The following CDH12 variants were observed in gnomAD, a reference collection of about 807,000 sequenced individuals.
CDH12 encodes cadherin-12.
CDH12 carries 41 observed loss-of-function variants against 74.1 expected under a neutral mutation model. The ratio of observed to expected loss-of-function variants is 0.55; its 90% CI spans 0.43 to 0.72. The LOEUF (loss-of-function observed/expected upper bound fraction) is 0.72, where lower values mean the gene tolerates loss of function less well. Ranked by LOEUF, CDH12 falls within the 30% of genes least tolerant of loss-of-function variation. CDH12 has a pLI of 0.00. For synonymous variants in CDH12, 399 were observed against 355.0 expected, an observed-to-expected ratio of 1.12 and a Z score of -1.39; for missense variants, 945 against 977.2, an observed-to-expected ratio of 0.97 and a Z score of 0.44.
rs1323660925 is a variant in CDH12 at position 22,786,330 on chromosome 5, G to A, written c.-523+66728C>T. Among the ~76,000 whole-genome samples the A allele has an allele frequency of 2.0e-5, 3 of 152,228 alleles. No individual in the cohort carries two copies. In the East Asian group the frequency reaches 5.8e-4, roughly 29 times the overall value. On this transcript the variant is annotated intron_variant, in intron 1 of 14. Coordinates refer to ENST00000382254, the MANE Select transcript of CDH12 (RefSeq NM_004061.5). ...GGCCATTTTTGCAGTTGTGAATGTA[G>A]ACATACTGTGTGGGGAAGAAGCTAA... is the stretch of plus-strand genomic sequence containing the variant.
intron 5 of CDH12, among the ~76,000 whole-genome samples, chr5:22,022,343 C>T (rs1738044440): frequency 6.6e-6 from 1 of 152,042 alleles, no homozygotes; most frequent in Non-Finnish European, 1.5e-5. Flanking sequence ...GTAGTACTTC[C>T]TCCTTCACAC....
intron 3 of CDH12, among the ~76,000 whole-genome samples, chr5:22,391,168 G>C (rs1742233103): frequency 6.6e-6 from 1 of 152,174 alleles, no homozygotes; most frequent in Non-Finnish European, 1.5e-5. Context: ...GAGTGTTGCA[G>C]ATGAGAAGGC....
chr5:22,383,828 C>T lies in CDH12; in HGVS notation c.-333+21429G>A, dbSNP rs1741876683. 2.6e-5 allele frequency among the ~76,000 whole-genome samples: 4 copies of T among 152,118 alleles called. No homozygotes were observed. The South Asian group carries it at 6.2e-4, about 24-fold the overall frequency. Reference sequence around the variant, plus strand: ...GCAGAAATCATTCACATTTGGAGATCTCTCCCGCTCTCCCCCATTTCTCCC... The same window carrying T: ...GCAGAAATCATTCACATTTGGAGATTTCTCCCGCTCTCCCCCATTTCTCCC... On this transcript the variant is annotated intron_variant, in intron 3 of 14. Coordinates refer to ENST00000382254, the MANE Select transcript of CDH12 (RefSeq NM_004061.5).
chr5:22,266,115 G>A (rs13173898), intron 3 of CDH12, among the ~76,000 whole-genome samples: 63,712 of 150,032 alleles, frequency 0.42, 14,514 homozygotes, highest in Admixed American at 0.53. Context: ...CGCTCTTGTC[G>A]CTTAAGCTGG....
At chr5:22,745,705 C>A (rs1328510339) in intron 1 of CDH12, among the ~76,000 whole-genome samples, 1 of 152,034 alleles carries the variant, frequency 6.6e-6, no homozygotes, top group Non-Finnish European at 1.5e-5. Context: ...CAATTGGGAG[C>A]TAAATGATGA....
At chr5:22,764,259 T>C (rs1746384331) in intron 1 of CDH12, among the ~76,000 whole-genome samples, 1 of 151,932 alleles carries the variant, frequency 6.6e-6, no homozygotes, top group Non-Finnish European at 1.5e-5. Flanking sequence ...TGAGATATTT[T>C]ATGCCTGTAT....
intron 1 of CDH12, among the ~76,000 whole-genome samples, chr5:22,561,460 C>A (rs148527047): frequency 1.5e-3 from 230 of 151,948 alleles, no homozygotes; most frequent in African/African-American, 5.5e-3. Flanking sequence ...CAAATTAATT[C>A]TGATTAAAGG....
At chr5:21,768,005 C>T (rs555727265) in intron 11 of CDH12, among the ~76,000 whole-genome samples, 5 of 151,668 alleles carry the variant, frequency 3.3e-5, no homozygotes, top group East Asian at 1.9e-4. Context: ...GGGGCAGCAA[C>T]GATGAAATTC....
At position 22,120,786 on chromosome 5, in the gene CDH12, G is replaced by C. The variant is rs2150274711; in HGVS notation, c.-186-41924C>G. The stretch of plus-strand genomic sequence containing the variant: ...ACTCTTTAAAATAATCTGGAATCCA[G>C]ATGGAAGGCAAAGCATTAATTTCTT... On this transcript the variant is annotated intron_variant, in intron 4 of 14. Coordinates refer to ENST00000382254, the MANE Select transcript of CDH12 (RefSeq NM_004061.5). Among the ~76,000 whole-genome samples, 2 of 152,210 alleles carry C rather than the reference G, an allele frequency of 1.3e-5. 1 individual carries two copies. Among genetic ancestry groups the C allele is most frequent in the East Asian group, 3.9e-4 (2 of 5,182 alleles).
intron 1 of CDH12, among the ~76,000 whole-genome samples, chr5:22,742,108 G>T (rs539313347): frequency 1.3e-5 from 2 of 152,142 alleles, no homozygotes; most frequent in South Asian, 4.1e-4. Context: ...CTTGAACGTG[G>T]GAAGTGGAGG....
At chr5:21,852,625 C>A (rs2086379151) in intron 7 of CDH12, among the ~76,000 whole-genome samples, 1 of 151,108 alleles carries the variant, frequency 6.6e-6, no homozygotes, top group Non-Finnish European at 1.5e-5. Context: ...GTTATTTTAC[C>A]AATATTAAAT....
At chr5:22,515,300 T>C (rs1362018297) in intron 1 of CDH12, among the ~76,000 whole-genome samples, 2 of 152,090 alleles carry the variant, frequency 1.3e-5, no homozygotes, top group East Asian at 1.9e-4. Context: ...CCCATGGAAC[T>C]TGTAAAGCTG....
At chr5:22,131,006 C>T (rs1393420209) in intron 4 of CDH12, among the ~76,000 whole-genome samples, 2 of 151,924 alleles carry the variant, frequency 1.3e-5, no homozygotes, top group Non-Finnish European at 2.9e-5. Flanking sequence ...TTATTGAGTA[C>T]ATCAGTGGTC....
At chr5:21,843,017 A>G (rs1749958054) in intron 7 of CDH12, among the ~76,000 whole-genome samples, 1 of 152,196 alleles carries the variant, frequency 6.6e-6, no homozygotes, top group Non-Finnish European at 1.5e-5. Flanking sequence ...TTTACAGTAC[A>G]TGTACATATT....
intron 1 of CDH12, among the ~76,000 whole-genome samples, 159 bp downstream of exon 1, chr5:22,852,899 G>T (rs961446491): frequency 1.3e-5 from 2 of 152,158 alleles, no homozygotes; most frequent in African/African-American, 4.8e-5. Flanking sequence ...GCAAAACCAC[G>T]CACAAGCTCC....
chr5:22,243,934 T>C (rs1432023725), intron 3 of CDH12, among the ~76,000 whole-genome samples: 3 of 152,190 alleles, frequency 2.0e-5, no homozygotes, highest in Non-Finnish European at 4.4e-5. Context: ...TTATTATATT[T>C]CAAAAATGAC....
chr5:22,153,870 A>T (rs7706088), intron 4 of CDH12, among the ~76,000 whole-genome samples: 1 of 84,014 alleles, frequency 1.2e-5, no homozygotes, highest in Non-Finnish European at 2.8e-5. Context: ...ATATATATAT[A>T]TGTATATATA....
intron 3 of CDH12, among the ~76,000 whole-genome samples, chr5:22,385,091 A>T (rs923579628): frequency 6.6e-6 from 1 of 152,190 alleles, no homozygotes; most frequent in African/African-American, 2.4e-5. Context: ...TAAAAATTAA[A>T]TGTATTGGGT....
rs536945281 is a variant in CDH12 at position 22,124,192 on chromosome 5, C to T, written c.-186-45330G>A. On this transcript the variant is annotated intron_variant, in intron 4 of 14. Coordinates refer to ENST00000382254, the MANE Select transcript of CDH12 (RefSeq NM_004061.5). The stretch of plus-strand genomic sequence containing the variant: ...TTTTTTTTGAGACAGAGTCTCGCTT[C>T]GTCGCCAGGCTGCAGTGCAGTGGCA... 2.5e-3 allele frequency among the ~76,000 whole-genome samples: 376 copies of T among 151,956 alleles called. 3 individuals are homozygous for T. Among genetic ancestry groups the T allele is most frequent in the Non-Finnish European group, 2.7e-3 (186 of 67,970 alleles).
Sources: gnomAD v4.1 joint callset for allele counts (sites outside exome capture counted in the v4.1 genomes callset) on GRCh38, gnomAD v4.1.1 for gene constraint, MANE v1.5 for transcripts, NCBI Gene and HGNC (gene_info 2026-07-23, HGNC 2026-07-21) for gene names.